GLIS3: variants seen among roughly 807,000 people sequenced by gnomAD.
GLIS3 encodes GLIS family zinc finger 3.
A neutral mutation model predicts 78.6 loss-of-function variants in GLIS3; 53 were observed. That is an observed-to-expected ratio of 0.67 (90% CI 0.54 to 0.85). The LOEUF (loss-of-function observed/expected upper bound fraction) is 0.85, where lower values mean the gene tolerates loss of function less well. GLIS3 is among the 40% of genes least tolerant of loss of function. The pLI is 0.00. For missense variants in GLIS3, 1,703 were observed against 1,231.1 expected (o/e 1.38, Z -5.74); for synonymous variants, 684 against 509.9 (o/e 1.34, Z -4.60).
chr9:4,370,626 A>T, the GLIS3 span, among the ~76,000 whole-genome samples: 1 of 152,216 alleles, frequency 6.6e-6, no homozygotes, highest in South Asian at 2.1e-4. Context: ...TAATATCAGG[A>T]TTTCTAAATA....
chr9:4,409,229 T>C, the GLIS3 span, among the ~76,000 whole-genome samples: 2 of 152,204 alleles, frequency 1.3e-5, no homozygotes, highest in African/African-American at 2.4e-5. Context: ...AGAATGGTTA[T>C]TATCAGCTTT....
intron 2 of GLIS3, among the ~76,000 whole-genome samples, chr9:4,342,193 A>G (rs762966484): frequency 1.1e-4 from 17 of 152,110 alleles, no homozygotes; most frequent in Admixed American, 2.0e-4. Flanking sequence ...GGCATTTCCT[A>G]GGTTATCTTT....
At chr9:4,410,370 G>A in the GLIS3 span, among the ~76,000 whole-genome samples, 1 of 151,976 alleles carries the variant, frequency 6.6e-6, no homozygotes, top group African/African-American at 2.4e-5. Flanking sequence ...ATAGAGCTAT[G>A]GAGAAAAACC....
intron 9 of GLIS3, among the ~76,000 whole-genome samples, chr9:3,831,114 G>A (rs1050587523): frequency 3.9e-5 from 6 of 152,166 alleles, no homozygotes; most frequent in African/African-American, 1.4e-4. Flanking sequence ...TCCTTTATAA[G>A]CAGACTAGAG....
At chr9:4,293,048 T>C (rs1205145105) in intron 1 of GLIS3, among the ~76,000 whole-genome samples, 2 of 152,136 alleles carry the variant, frequency 1.3e-5, no homozygotes, top group African/African-American at 4.8e-5. Flanking sequence ...GATGTTTCTT[T>C]CAAGAAAAAC....
chr9:4,244,583 CT>C (rs963518381), intron 2 of GLIS3, among the ~76,000 whole-genome samples: 2 of 151,350 alleles, frequency 1.3e-5, no homozygotes, highest in African/African-American at 4.8e-5. Context: ...AATTTTTTTT[CT>C]TTTTTTTGAG....
chr9:4,450,777 C>A, the GLIS3 span, among the ~76,000 whole-genome samples: 1 of 152,132 alleles, frequency 6.6e-6, no homozygotes, highest in Non-Finnish European at 1.5e-5. Flanking sequence ...GAAATAAAAT[C>A]CTTTACAGAC....
At chr9:3,918,550 G>C (rs1275157583) in intron 6 of GLIS3, among the ~76,000 whole-genome samples, 1 of 152,146 alleles carries the variant, frequency 6.6e-6, no homozygotes, top group Non-Finnish European at 1.5e-5. Context: ...ATAAGAAAAT[G>C]ATGATACTCT....
intron 2 of GLIS3, among the ~76,000 whole-genome samples, chr9:4,330,194 T>C (rs1213024529): frequency 6.6e-6 from 1 of 152,236 alleles, no homozygotes; most frequent in African/African-American, 2.4e-5. Flanking sequence ...GTCTGGATTT[T>C]GCCAGTAGAA....
chr9:3,898,982 G>T, intron 6 of GLIS3, 147 bp from the exon 7 acceptor site: 1 of 979,470 alleles, frequency 1.0e-6, no homozygotes, highest in Non-Finnish European at 1.6e-6. Flanking sequence ...GCTTAACAGA[G>T]TGTCAATAAA....
chr9:4,330,813 G>C (rs1399768489), intron 2 of GLIS3, among the ~76,000 whole-genome samples: 2 of 152,184 alleles, frequency 1.3e-5, no homozygotes, highest in Non-Finnish European at 2.9e-5. Flanking sequence ...TCGATGCTGA[G>C]AGACTTTTCA....
At chr9:4,333,374 A>G (rs1385137219) in intron 2 of GLIS3, among the ~76,000 whole-genome samples, 1 of 151,834 alleles carries the variant, frequency 6.6e-6, no homozygotes, top group Non-Finnish European at 1.5e-5. Context: ...AAAAGGGAAG[A>G]AAGGAAGGGA....
intron 2 of GLIS3, among the ~76,000 whole-genome samples, chr9:4,186,728 T>C (rs1242973047): frequency 1.3e-5 from 2 of 152,146 alleles, no homozygotes; most frequent in East Asian, 1.9e-4. Flanking sequence ...GTGGTTTTGA[T>C]TTGCATTTCT....
intron 8 of GLIS3, among the ~76,000 whole-genome samples, chr9:3,876,543 GAAGT>G (rs1821320656): frequency 6.8e-6 from 1 of 147,066 alleles, no homozygotes; most frequent in Non-Finnish European, 1.5e-5. Context: ...GATCCCTACT[GAAGT>G]AATTAGCAGT....
intron 4 of GLIS3, among the ~76,000 whole-genome samples, chr9:4,088,755 T>C (rs1045487346): frequency 8.5e-5 from 13 of 152,242 alleles, no homozygotes; most frequent in African/African-American, 3.1e-4. Context: ...TTAGTGCCTT[T>C]TACTATGACG....
the GLIS3 span, among the ~76,000 whole-genome samples, chr9:4,486,303 A>G: frequency 6.6e-6 from 1 of 152,188 alleles, no homozygotes; most frequent in Admixed American, 6.5e-5. Flanking sequence ...CGTAAGATTC[A>G]GACCCATCAA....
intron 2 of GLIS3, among the ~76,000 whole-genome samples, chr9:4,240,835 C>T (rs1045310130): frequency 6.6e-6 from 1 of 151,998 alleles, no homozygotes; most frequent in African/African-American, 2.4e-5. Flanking sequence ...CAAACCTGCA[C>T]ATGTACCCCT....
intron 2 of GLIS3, among the ~76,000 whole-genome samples, chr9:4,213,992 G>C (rs1256605617): frequency 6.6e-6 from 1 of 151,712 alleles, no homozygotes; most frequent in Non-Finnish European, 1.5e-5. Flanking sequence ...AGACAGACAG[G>C]TTATTAAAAA....
the GLIS3 span, among the ~76,000 whole-genome samples, chr9:4,407,751 G>A: frequency 6.6e-6 from 1 of 152,142 alleles, no homozygotes; most frequent in Admixed American, 6.5e-5. Context: ...AAACAAAGCA[G>A]AAATGTACAC....
Sources: gnomAD v4.1 joint callset for allele counts (sites outside exome capture counted in the v4.1 genomes callset) on GRCh38, gnomAD v4.1.1 for gene constraint, MANE v1.5 for transcripts, NCBI Gene and HGNC (gene_info 2026-07-23, HGNC 2026-07-21) for gene names.